Variants in SPHKAP observed in about 807,000 individuals in gnomAD.
The protein encoded by SPHKAP is SPHK1 interactor, AKAP domain containing.
A neutral mutation model predicts 137.5 loss-of-function variants in SPHKAP; 67 were observed. That is an observed-to-expected ratio of 0.49 (90% CI 0.40 to 0.60). The LOEUF is 0.60. Ranked by LOEUF, SPHKAP falls within the 20% of genes least tolerant of loss-of-function variation. SPHKAP has a pLI of 0.00. For synonymous variants in SPHKAP, 813 were observed against 785.3 expected (o/e 1.04, Z -0.59); for missense variants, 2,097 against 2,069.3 (o/e 1.01, Z -0.26).
chr2:228,018,528 T>G lies in SPHKAP; in HGVS notation c.2326A>C (p.Asn776His), dbSNP rs757504008. The G allele has an allele frequency of 1.9e-6, 3 of 1,614,024 alleles. No homozygotes were observed. The highest frequency in any genetic ancestry group is 2.5e-6 in the Non-Finnish European group (3 of 1,180,008). Reference protein sequence around the residue: ...TESSSSSPLSNSHNTSLVINN... With the variant: ...TESSSSSPLSHSHNTSLVINN... ...ATGACAAGACTCGTGTTGTGTGAAT[T>G]GCTAAGTGGAGAGCTGCTGGAGGAT... is the stretch of plus-strand genomic sequence containing the variant. Residue 776 changes from asparagine to histidine, a missense_variant, in exon 7 of 12, where the codon AAT becomes CAT. Asn to His is a moderately conservative substitution (Grantham distance 68, BLOSUM62 1). Coordinates refer to ENST00000392056, the MANE Select transcript of SPHKAP (RefSeq NM_001142644.2).
intron 3 of SPHKAP, among the ~76,000 whole-genome samples, chr2:228,078,399 T>G (rs1042367206): frequency 1.4e-5 from 2 of 140,956 alleles, no homozygotes; most frequent in Non-Finnish European, 3.1e-5. Flanking sequence ...TTTTTTTTTT[T>G]GTAAGGGACC....
intron 3 of SPHKAP, among the ~76,000 whole-genome samples, chr2:228,039,598 A>G (rs1695762889): frequency 6.6e-6 from 1 of 152,156 alleles, no homozygotes; most frequent in Admixed American, 6.6e-5. Flanking sequence ...TTTTTGTGAA[A>G]AGCTAATGTG....
chr2:228,097,946 G>A (rs530202119), intron 3 of SPHKAP, among the ~76,000 whole-genome samples: 9 of 152,246 alleles, frequency 5.9e-5, no homozygotes, highest in South Asian at 4.1e-4. Flanking sequence ...ATGAAGAGAC[G>A]AGTACATGTG....
intron 7 of SPHKAP, among the ~76,000 whole-genome samples, chr2:228,006,906 T>C (rs1309767486): frequency 6.6e-6 from 1 of 152,194 alleles, no homozygotes; most frequent in African/African-American, 2.4e-5. Flanking sequence ...GGAGGTTTCG[T>C]CTCAGAGGGG....
intron 3 of SPHKAP, among the ~76,000 whole-genome samples, chr2:228,090,050 C>T (rs939149296): frequency 2.0e-5 from 3 of 152,184 alleles, no homozygotes; most frequent in Non-Finnish European, 4.4e-5. Context: ...GGTTGCTGTC[C>T]TCCAGACTCA....
At chr2:228,108,370 T>C (rs907628419) in intron 3 of SPHKAP, among the ~76,000 whole-genome samples, 1 of 152,174 alleles carries the variant, frequency 6.6e-6, no homozygotes, top group Non-Finnish European at 1.5e-5. Context: ...TTAAAATGTA[T>C]GACTGTTTAT....
chr2:227,984,714 G>T (rs1027430825), intron 11 of SPHKAP, among the ~76,000 whole-genome samples: 34 of 152,152 alleles, frequency 2.2e-4, no homozygotes, highest in African/African-American at 8.0e-4. Context: ...GCTCTTACTG[G>T]AAATCTAGAA....
chr2:228,072,016 T>C (rs1382758775), intron 3 of SPHKAP, among the ~76,000 whole-genome samples: 2 of 152,232 alleles, frequency 1.3e-5, no homozygotes, highest in African/African-American at 2.4e-5. Flanking sequence ...GCAGCACAGA[T>C]TGGCCTCCTC....
intron 11 of SPHKAP, among the ~76,000 whole-genome samples, chr2:227,983,204 T>C (rs1247260927): frequency 6.6e-6 from 1 of 152,194 alleles, no homozygotes; most frequent in African/African-American, 2.4e-5. Flanking sequence ...TTTGAGTATG[T>C]TAATTCACTT....
At chr2:228,146,195 A>G (rs1699770432) in intron 1 of SPHKAP, among the ~76,000 whole-genome samples, 1 of 152,128 alleles carries the variant, frequency 6.6e-6, no homozygotes, top group Non-Finnish European at 1.5e-5. Context: ...CATCCTTCCC[A>G]TTGTCAATAT....
intron 3 of SPHKAP, among the ~76,000 whole-genome samples, chr2:228,094,223 TA>T (rs1159338566): frequency 3.3e-5 from 5 of 152,208 alleles, no homozygotes; most frequent in African/African-American, 1.2e-4. Context: ...CCAACCGGAA[TA>T]TTTTAAAAGT....
chr2:228,144,189 C>A (rs1001794902), intron 1 of SPHKAP, among the ~76,000 whole-genome samples: 1 of 152,150 alleles, frequency 6.6e-6, no homozygotes, highest in Non-Finnish European at 1.5e-5. Flanking sequence ...CTCTGTTTGC[C>A]CAGTCTCTCC....
In SPHKAP at chr2:228,017,765, T is replaced by C. The variant is rs761600115; in HGVS notation, c.3089A>G (p.Asp1030Gly). Residue 1030 changes from aspartate to glycine, a missense_variant, in exon 7 of 12, where the codon GAT (aspartate) becomes GGT (glycine). Coordinates refer to ENST00000392056, the MANE Select transcript of SPHKAP (RefSeq NM_001142644.2). ...AAAAAGATTGACAGAATCTGGGACATCTTCAAGGTTCATGGACTCATCCAC... is the reference window on the plus strand; with the variant it reads ...AAAAAGATTGACAGAATCTGGGACACCTTCAAGGTTCATGGACTCATCCAC... ...RVVDESMNLE[D>G]VPDSVNLFAN... 15 of 1,614,038 alleles carry C rather than the reference T, an allele frequency of 9.3e-6. No homozygotes were observed. Among genetic ancestry groups the C allele is most frequent in the Non-Finnish European group, 1.2e-5 (14 of 1,180,046 alleles).
At chr2:228,077,157 T>C (rs1006598193) in intron 3 of SPHKAP, among the ~76,000 whole-genome samples, 18 of 151,978 alleles carry the variant, frequency 1.2e-4, no homozygotes, top group African/African-American at 4.1e-4. Context: ...TTCAGATGTA[T>C]GTTTGCTGTA....
chr2:228,087,588 T>C (rs976381716), intron 3 of SPHKAP, among the ~76,000 whole-genome samples: 1 of 152,132 alleles, frequency 6.6e-6, no homozygotes, highest in Admixed American at 6.5e-5. Flanking sequence ...ATAAAGAATA[T>C]ATAAATAAAA....
chr2:228,003,868 T>G (rs1694010231), intron 7 of SPHKAP, among the ~76,000 whole-genome samples: 1 of 152,230 alleles, frequency 6.6e-6, no homozygotes, highest in Non-Finnish European at 1.5e-5. Context: ...TTACATTTAT[T>G]GATTTGCGTA....
At chr2:228,050,312 C>T (rs954994062) in intron 3 of SPHKAP, among the ~76,000 whole-genome samples, 1 of 152,100 alleles carries the variant, frequency 6.6e-6, no homozygotes, top group Non-Finnish European at 1.5e-5. Flanking sequence ...ACCATTCAAC[C>T]CAGCAATCCC....
chr2:228,027,970 A>AAT, intron 3 of SPHKAP: 1 of 973,302 alleles, frequency 1.0e-6, no homozygotes, highest in Non-Finnish European at 1.2e-6. Context: ...GAAAAAAAAA[A>AAT]AAAAAAGAAA....
chr2:228,042,680 C>T (rs1318040851), intron 3 of SPHKAP, among the ~76,000 whole-genome samples: 1 of 152,090 alleles, frequency 6.6e-6, no homozygotes, highest in Non-Finnish European at 1.5e-5. Context: ...TAAAATTTGG[C>T]TCCTTGCCTG....
Sources: gnomAD v4.1 joint callset for allele counts (sites outside exome capture counted in the v4.1 genomes callset) on GRCh38, gnomAD v4.1.1 for gene constraint, MANE v1.5 for transcripts, NCBI Gene and HGNC (gene_info 2026-07-23, HGNC 2026-07-21) for gene names.